Variants in PTPRC observed in about 807,000 individuals in gnomAD.
The protein encoded by PTPRC is receptor-type tyrosine-protein phosphatase C.
A neutral mutation model predicts 155.9 loss-of-function variants in PTPRC; 44 were observed. That is an observed-to-expected ratio of 0.28 (90% CI 0.22 to 0.36). The LOEUF is 0.36. PTPRC is among the 10% of genes least tolerant of loss of function. PTPRC has a pLI of 1.00. For missense variants in PTPRC, 1,401 were observed against 1,564.6 expected, an observed-to-expected ratio of 0.90 and a Z score of 1.76; for synonymous variants, 525 against 533.1, an observed-to-expected ratio of 0.98 and a Z score of 0.21.
At chr1:198,640,973 C>T (rs1020523539) in intron 2 of PTPRC, among the ~76,000 whole-genome samples, 1 of 151,926 alleles carries the variant, frequency 6.6e-6, no homozygotes, top group Non-Finnish European at 1.5e-5. Context: ...CCATAAGACA[C>T]ATCTTTGAAT....
intron 16 of PTPRC, 50 bp downstream of exon 16, chr1:198,728,498 C>A (rs1355751964): frequency 6.3e-7 from 1 of 1,592,888 alleles, no homozygotes; most frequent in Non-Finnish European, 8.5e-7. Flanking sequence ...AGTAATGGTG[C>A]AAACGCATAT....
At chr1:198,654,827 A>C (rs1663464810) in intron 2 of PTPRC, among the ~76,000 whole-genome samples, 2 of 151,956 alleles carry the variant, frequency 1.3e-5, no homozygotes, top group Admixed American at 6.6e-5. Flanking sequence ...TATTAAAGTG[A>C]AAATTTAAAC....
At chr1:198,713,893 A>G (rs988750545) in intron 12 of PTPRC, among the ~76,000 whole-genome samples, 1 of 152,076 alleles carries the variant, frequency 6.6e-6, no homozygotes, top group Admixed American at 6.6e-5. Flanking sequence ...GTGAAAGGCT[A>G]TTTTTCTTCA....
chr1:198,742,339 G>A lies in PTPRC; in HGVS notation c.2669G>A (p.Arg890Gln), dbSNP rs765774003. Residue 890 changes from arginine to glutamine, a missense_variant, in exon 25 of 33, where the codon CGA (arginine) becomes CAA (glutamine). Around this residue, in one of 3 missense-constraint regions of PTPRC, gnomAD observed 134 missense variants for 204.7 expected, o/e 0.65. Coordinates refer to ENST00000442510, the MANE Select transcript of PTPRC (RefSeq NM_002838.5). ...TATGGTTATGTTGTCAAGCTAAGGCGACAGAGATGCCTGATGGTTCAAGTA... is the reference window on the plus strand; with the variant it reads ...TATGGTTATGTTGTCAAGCTAAGGCAACAGAGATGCCTGATGGTTCAAGTA... ...DVYGYVVKLR[R>Q]QRCLMVQVEA... 8.7e-6 allele frequency: 14 copies of A among 1,612,166 alleles called. No homozygotes were observed. Among genetic ancestry groups the A allele is most frequent in the South Asian group, 2.2e-5 (2 of 91,064 alleles).
Position 198,755,891 on chromosome 1 carries a change from T to G in PTPRC, c.3646-15T>G, listed in dbSNP as rs749945770. On this transcript the variant is annotated splice_polypyrimidine_tract_variant and intron_variant, in intron 32 of 32. Coordinates refer to ENST00000442510, the MANE Select transcript of PTPRC (RefSeq NM_002838.5). Reference sequence around the variant, plus strand: ...AACTTTCTTCATGTAATTTCCCACTTAATTCCTTTACTAGGAGCAATATCA... The same window carrying G: ...AACTTTCTTCATGTAATTTCCCACTGAATTCCTTTACTAGGAGCAATATCA... The G allele has an allele frequency of 1.5e-5, 24 of 1,601,368 alleles. No individual in the cohort carries two copies. Among genetic ancestry groups the G allele is most frequent in the Non-Finnish European group, 1.9e-5 (22 of 1,169,098 alleles).
intron 2 of PTPRC, among the ~76,000 whole-genome samples, chr1:198,649,561 C>T (rs1210611015): frequency 6.6e-6 from 1 of 151,830 alleles, no homozygotes; most frequent in Non-Finnish European, 1.5e-5. Flanking sequence ...AGAAGTCAGT[C>T]TTTGAAATCT....
intron 3 of PTPRC, chr1:198,694,022 T>C: frequency 1.3e-6 from 2 of 1,548,222 alleles, no homozygotes; most frequent in Non-Finnish European, 1.7e-6. Flanking sequence ...CAATAGGCCA[T>C]CTGCAAGCTG....
intron 20 of PTPRC, among the ~76,000 whole-genome samples, chr1:198,732,889 A>G (rs529986704): frequency 6.6e-6 from 1 of 152,010 alleles, no homozygotes; most frequent in South Asian, 2.1e-4. Flanking sequence ...TGTGCCGTAT[A>G]GGTGAGGACT....
chr1:198,649,557 C>T (rs1182201861), intron 2 of PTPRC, among the ~76,000 whole-genome samples: 2 of 151,792 alleles, frequency 1.3e-5, no homozygotes, highest in Non-Finnish European at 2.9e-5. Context: ...TTAAAGAAGT[C>T]AGTCTTTGAA....
intron 2 of PTPRC, among the ~76,000 whole-genome samples, chr1:198,662,260 C>T (rs1443980510): frequency 1.3e-5 from 2 of 152,222 alleles, no homozygotes; most frequent in South Asian, 2.1e-4. Flanking sequence ...TTTATTCACT[C>T]TTCTAATTCT....
chr1:198,716,895 A>G, intron 13 of PTPRC, 55 bp downstream of exon 13: 1 of 1,520,768 alleles, frequency 6.6e-7, no homozygotes, highest in Non-Finnish European at 9.1e-7. Flanking sequence ...CAAGGTATGA[A>G]CTTTTTAGCC....
Position 198,732,492 on chromosome 1 carries a change from G to A in PTPRC, c.2078G>A (p.Arg693His), listed in dbSNP as rs781335157. ...YVDILPYDYN[R>H]VELSEINGDA... ...TTTCCTTAAACAGATGATTATAACC[G>A]TGTTGAACTCTCTGAGATAAACGGA... Residue 693 changes from arginine (R) to histidine (H), a missense_variant, in exon 20 of 33, where the codon CGT becomes CAT. Around this residue, in one of 3 missense-constraint regions of PTPRC, gnomAD observed 867 missense variants for 970.4 expected, o/e 0.89. Coordinates refer to ENST00000442510, the MANE Select transcript of PTPRC (RefSeq NM_002838.5). 4.8e-5 allele frequency: 78 copies of A among 1,610,306 alleles called. No individual in the cohort carries two copies. Among genetic ancestry groups the A allele is most frequent in the Non-Finnish European group, 6.3e-5 (74 of 1,177,832 alleles).
In PTPRC at chr1:198,677,464, A is replaced by AT. The variant is rs920201987; in HGVS notation, c.74-14871dup. On this transcript the variant is annotated intron_variant, in intron 2 of 32. Coordinates refer to ENST00000442510, the MANE Select transcript of PTPRC (RefSeq NM_002838.5). ...ATTCTCAATGTTGGGCCACATTGCT[A>AT]TTTTTTTTTTTTCTAAAAGACTCAT... Among the ~76,000 whole-genome samples the AT allele has an allele frequency of 5.4e-3, 782 of 144,474 alleles. 3 individuals carry two copies. The highest frequency in any genetic ancestry group is 7.9e-3 in the Non-Finnish European group (520 of 65,464). 94.8% of individuals were successfully genotyped at this position (144,474 alleles called of 152,430 possible). A position where few individuals can be genotyped will look rare whatever the true frequency, so the allele number is the denominator to read the frequency against.
chr1:198,683,496 G>C (rs1418281114), intron 2 of PTPRC, among the ~76,000 whole-genome samples: 1 of 152,012 alleles, frequency 6.6e-6, no homozygotes, highest in Non-Finnish European at 1.5e-5. Context: ...ATTTTCATAA[G>C]AAGCAAAAAG....
In PTPRC at chr1:198,702,471, A is replaced by G. The variant is rs1666511265; in HGVS notation, c.524A>G (p.His175Arg). The change falls in exon 6 of 33, where the codon CAC becomes CGC. Residue 175 changes from histidine (H) to arginine (R), a missense_variant. Around this residue, in one of 3 missense-constraint regions of PTPRC, gnomAD observed 867 missense variants for 970.4 expected, o/e 0.89. Coordinates refer to ENST00000442510, the MANE Select transcript of PTPRC (RefSeq NM_002838.5). Reference sequence around the variant, plus strand: ...ACAACCACCCTCAGCCTTGCACACCACAGCTCTGCTGCCTTACCTGCACGC... The same window carrying G: ...ACAACCACCCTCAGCCTTGCACACCGCAGCTCTGCTGCCTTACCTGCACGC... Reference protein sequence around the residue: ...PLTTTLSLAHHSSAALPARTS... With the variant: ...PLTTTLSLAHRSSAALPARTS... 6.2e-7 allele frequency: 1 copy of G among 1,613,998 alleles called. No individual in the cohort carries two copies.
chr1:198,681,200 A>G (rs1013320681), intron 2 of PTPRC, among the ~76,000 whole-genome samples: 1 of 151,908 alleles, frequency 6.6e-6, no homozygotes, highest in African/African-American at 2.4e-5. Context: ...ATTATTTACG[A>G]ATGTTAATAT....
At chr1:198,698,900 GT>G (rs1666333083) in intron 4 of PTPRC, among the ~76,000 whole-genome samples, 3 of 151,920 alleles carry the variant, frequency 2.0e-5, no homozygotes, top group Non-Finnish European at 4.4e-5. Context: ...AACCATTGTT[GT>G]ATATCCTCCA....
intron 2 of PTPRC, among the ~76,000 whole-genome samples, chr1:198,640,430 C>CA (rs1662513587): frequency 6.6e-6 from 1 of 151,822 alleles, no homozygotes; most frequent in South Asian, 2.1e-4. Flanking sequence ...GTTACATTGA[C>CA]AATTTCTATT....
chr1:198,712,221 A>G (rs989437237), intron 11 of PTPRC, among the ~76,000 whole-genome samples: 1 of 152,234 alleles, frequency 6.6e-6, no homozygotes, highest in African/African-American at 2.4e-5. Context: ...TGAGTGCAAT[A>G]TGTTAGGAGT....
Sources: allele counts gnomAD v4.1 joint callset (sites outside exome capture counted in the v4.1 genomes callset), GRCh38; gene constraint gnomAD v4.1.1; regional missense constraint gnomAD v4.1.1; transcripts MANE v1.5; gene names NCBI Gene and HGNC (gene_info 2026-07-23, HGNC 2026-07-21).